Variants in ADGRD1 observed in about 807,000 individuals in gnomAD.
The protein encoded by ADGRD1 is adhesion G protein-coupled receptor D1, also known as G-protein coupled receptor 133.
In ADGRD1, 77 loss-of-function variants were observed where a neutral mutation model predicts 113.4. The observed-to-expected ratio is 0.68, with a 90% CI of 0.57 to 0.82. The LOEUF (loss-of-function observed/expected upper bound fraction) is 0.82. Ranked by LOEUF, ADGRD1 falls within the 40% of genes least tolerant of loss-of-function variation. The probability of loss-of-function intolerance (pLI) is 0.00; values close to 1 mark genes in which losing one functional copy is unlikely to be tolerated. For missense variants in ADGRD1, 1,036 were observed against 1,139.1 expected (o/e 0.91, Z 1.30); for synonymous variants, 474 against 475.0 (o/e 1.00, Z 0.03).
chr12:131,121,068 G>A (rs1195934), intron 20 of ADGRD1, among the ~76,000 whole-genome samples, 155 bp downstream of exon 20: 22,334 of 152,262 alleles, frequency 0.15, 1,996 homozygotes, highest in Non-Finnish European at 0.2. Context: ...CTCTGGGCCA[G>A]TGACTGAGGG....
intron 15 of ADGRD1, among the ~76,000 whole-genome samples, chr12:131,095,440 C>G (rs1420552372): frequency 6.6e-6 from 1 of 152,242 alleles, no homozygotes; most frequent in African/African-American, 2.4e-5. Flanking sequence ...AGTGTCTGCT[C>G]TGGAGTGTGC....
At chr12:131,116,189 G>A (rs1208714329) in intron 18 of ADGRD1, among the ~76,000 whole-genome samples, 1 of 152,206 alleles carries the variant, frequency 6.6e-6, no homozygotes, top group Non-Finnish European at 1.5e-5. Context: ...CCTTACCCAT[G>A]GCTTGGCCTC....
chr12:131,128,155 A>C (rs979201299), intron 20 of ADGRD1, among the ~76,000 whole-genome samples: 1 of 135,192 alleles, frequency 7.4e-6, no homozygotes, highest in Non-Finnish European at 1.6e-5. Context: ...TGGGATTCTG[A>C]GCTCAGGTGG....
intron 13 of ADGRD1, among the ~76,000 whole-genome samples, chr12:131,032,211 A>G (rs1192098270): frequency 1.3e-5 from 2 of 152,176 alleles, no homozygotes; most frequent in Non-Finnish European, 1.5e-5. Context: ...ACAGGCATTC[A>G]GTAGGCGGCA....
chr12:131,008,768 C>T (rs535745561), intron 12 of ADGRD1, among the ~76,000 whole-genome samples: 3 of 152,310 alleles, frequency 2.0e-5, no homozygotes, highest in South Asian at 4.1e-4. Context: ...TCCAGGTGGA[C>T]GGGGCTGAGA....
chr12:131,093,518 G>A (rs1331855199), intron 15 of ADGRD1, among the ~76,000 whole-genome samples: 2 of 152,214 alleles, frequency 1.3e-5, no homozygotes, highest in Admixed American at 6.5e-5. Flanking sequence ...GAAGGGCACA[G>A]GGCGGGCAGT....
chr12:131,017,327 G>A lies in ADGRD1; in HGVS notation c.1473+2987G>A, dbSNP rs1235627614. On this transcript the variant is annotated intron_variant, in intron 13 of 24. Coordinates refer to ENST00000261654, the MANE Select transcript of ADGRD1 (RefSeq NM_198827.5). ...CACACCCAGTCCACACACACCCAGT[G>A]CACACAGTCCACACACACCCAGTCC... Among the ~76,000 whole-genome samples, 3 of 100,014 alleles carry A rather than the reference G, an allele frequency of 3.0e-5. 1 individual carries two copies. Among genetic ancestry groups the A allele is most frequent in the Non-Finnish European group, 5.9e-5 (3 of 51,070 alleles). 65.6% of individuals were successfully genotyped at this position (100,014 alleles called of 152,430 possible).
chr12:130,955,260 C>T (rs1254027260), intron 2 of ADGRD1, among the ~76,000 whole-genome samples: 2 of 151,958 alleles, frequency 1.3e-5, no homozygotes, highest in African/African-American at 4.8e-5. Flanking sequence ...CCACCACACC[C>T]ATCTCATGTC....
rs117117334 is a variant in ADGRD1, at chr12:131,009,560, C to T, written c.1331+3513C>T. Among the ~76,000 whole-genome samples, 101 of 152,212 alleles carry T rather than the reference C, an allele frequency of 6.6e-4. 1 individual carries two copies. In the East Asian group the frequency reaches 0.013, roughly 19 times the overall value. On this transcript the variant is annotated intron_variant, in intron 12 of 24. Transcript: ENST00000261654. Reference sequence around the variant, plus strand: ...AGGCAGTCTCCATTTTTAGGAGACACGTGGTAGAGATGGAGTATGCTGTGA... The same window carrying T: ...AGGCAGTCTCCATTTTTAGGAGACATGTGGTAGAGATGGAGTATGCTGTGA...
At chr12:131,077,582 A>G (rs554439702) in intron 14 of ADGRD1, among the ~76,000 whole-genome samples, 3 of 151,906 alleles carry the variant, frequency 2.0e-5, no homozygotes, top group African/African-American at 7.2e-5. Context: ...CGGTGTTGAA[A>G]ACTCAGCTCC....
At position 130,954,760 on chromosome 12, in the gene ADGRD1, TG is replaced by T; in HGVS notation, c.103+102del. ...TGTTCATCTCTGAGGCATCAGCGAA[TG>T]GCCCTTGTTGGGCTCCTGGTCCCCG... On this transcript the variant is annotated intron_variant, in intron 2 of 24. Transcript: ENST00000261654. The surrounding 1 kb of genome is among the most constrained non-coding windows in gnomAD (Gnocchi z 4.7). 8.8e-7 allele frequency: 1 copy of T among 1,135,576 alleles called. No homozygotes were observed. 70.3% of individuals were successfully genotyped at this position (1,135,576 alleles called of 1,614,324 possible).
chr12:131,097,922 C>T lies in ADGRD1; in HGVS notation c.1672-6909C>T, dbSNP rs563116892. 3.3e-5 allele frequency among the ~76,000 whole-genome samples: 5 copies of T among 152,340 alleles called. No individual in the cohort carries two copies. The East Asian group carries it at 9.7e-4, about 29-fold the overall frequency. On this transcript the variant is annotated intron_variant, in intron 15 of 24. Coordinates refer to ENST00000261654, the MANE Select transcript of ADGRD1 (RefSeq NM_198827.5). ...CGCTTGGCTTCCTGCCAAGTCCAAC[C>T]AAGGAGAGATGGTGCTGCTGGGGTG...
At chr12:131,064,495 T>C (rs957272899) in intron 13 of ADGRD1, among the ~76,000 whole-genome samples, 13 of 152,250 alleles carry the variant, frequency 8.5e-5, no homozygotes, top group Non-Finnish European at 1.8e-4. Flanking sequence ...AGCATTCCAA[T>C]TGAAGACTGG....
At chr12:131,052,643 T>TG (rs61408688) in intron 13 of ADGRD1, among the ~76,000 whole-genome samples, 134,146 of 152,000 alleles carry the variant, frequency 0.88, 59,605 homozygotes, top group East Asian at 1. Flanking sequence ...GTGGTCTTTG[T>TG]GGGGGAGGAA....
Position 131,076,828 on chromosome 12 carries a change from A to G in ADGRD1, c.1501A>G (p.Asn501Asp), listed in dbSNP as rs1331925637. The G allele has an allele frequency of 5.0e-6, 8 of 1,614,178 alleles. No individual in the cohort carries two copies. Among genetic ancestry groups the G allele is most frequent in the South Asian group, 1.1e-5 (1 of 91,082 alleles). ...ACGTAAGCAGCACAGTGAGGCCACCAACAGCAGCAACCGAGTCTTCGTGTA... is the reference window on the plus strand; with the variant it reads ...ACGTAAGCAGCACAGTGAGGCCACCGACAGCAGCAACCGAGTCTTCGTGTA... The part of the protein sequence containing the change: ...LTRKQHSEAT[N>D]SSNRVFVYCA... Residue 501 changes from asparagine (N) to aspartate (D), a missense_variant, in exon 14 of 25, where the codon AAC becomes GAC. Physicochemically the swap from Asn to Asp is conservative, Grantham distance 23. Coordinates refer to ENST00000261654, the MANE Select transcript of ADGRD1 (RefSeq NM_198827.5).
intron 20 of ADGRD1, among the ~76,000 whole-genome samples, chr12:131,125,965 C>A (rs1051917880): frequency 7.9e-5 from 12 of 152,166 alleles, no homozygotes; most frequent in African/African-American, 2.7e-4. Flanking sequence ...GTCTTGCTTT[C>A]ACACCACTGA....
chr12:130,979,817 TCACACACACACACACACACACA>T (rs10526212), intron 4 of ADGRD1, among the ~76,000 whole-genome samples: 5 of 53,936 alleles, frequency 9.3e-5, no homozygotes, highest in African/African-American at 1.4e-4. Flanking sequence ...AGCTAGTGTC[TCACACACACACACACACACACA>T]CACACACACA....
chr12:131,092,871 A>C (rs571213561), intron 15 of ADGRD1, among the ~76,000 whole-genome samples: 7 of 150,542 alleles, frequency 4.6e-5, no homozygotes, highest in Admixed American at 1.3e-4. Context: ...TTTATCTAAA[A>C]TTTGGGATTT....
chr12:130,980,312 G>A (rs1386812875), intron 4 of ADGRD1, among the ~76,000 whole-genome samples: 1 of 151,888 alleles, frequency 6.6e-6, no homozygotes, highest in African/African-American at 2.4e-5. Context: ...CACCATGTTA[G>A]TAAAGATGGT....
Sources: allele counts gnomAD v4.1 joint callset (sites outside exome capture counted in the v4.1 genomes callset), GRCh38; gene constraint gnomAD v4.1.1; non-coding constraint Gnocchi (gnomAD v3.1); transcripts MANE v1.5; gene names NCBI Gene and HGNC (gene_info 2026-07-23, HGNC 2026-07-21).